EVI5: variants seen among roughly 807,000 people sequenced by gnomAD.
EVI5 encodes the protein ecotropic viral integration site 5, also known as ecotropic viral integration site 5 protein homolog.
In EVI5, 73 loss-of-function variants were observed where a neutral mutation model predicts 112.0. The observed-to-expected ratio is 0.65, with a 90% CI of 0.54 to 0.79. The LOEUF (loss-of-function observed/expected upper bound fraction) is 0.79, where lower values mean the gene tolerates loss of function less well. Ranked by LOEUF, EVI5 falls within the 30% of genes least tolerant of loss-of-function variation. EVI5 has a pLI of 0.00. For missense variants in EVI5, 900 were observed against 968.8 expected (o/e 0.93, Z 0.94); for synonymous variants, 305 against 319.9 (o/e 0.95, Z 0.50).
In EVI5 at chr1:92,651,342, G is replaced by A. The variant is rs190927084; in HGVS notation, c.1392+11377C>T. On this transcript the variant is annotated intron_variant, in intron 13 of 19. Transcript: ENST00000684568. ...TATCTTTCCCATGACTAAATTGGCC[G>A]CTACTTATATTTGGAGAAAAGGAGA... Among the ~76,000 whole-genome samples, 284 of 152,168 alleles carry A rather than the reference G, an allele frequency of 1.9e-3. 3 individuals carry two copies. Among genetic ancestry groups the A allele is most frequent in the Non-Finnish European group, 1.8e-3 (123 of 67,998 alleles).
chr1:92,529,705 A>G (rs1243298509), intron 19 of EVI5, among the ~76,000 whole-genome samples: 1 of 152,180 alleles, frequency 6.6e-6, no homozygotes, highest in Non-Finnish European at 1.5e-5. Context: ...CCAAATCCCT[A>G]ATCCAATAAC....
intron 10 of EVI5, among the ~76,000 whole-genome samples, chr1:92,675,601 C>T (rs1310613412): frequency 6.6e-6 from 1 of 152,092 alleles, no homozygotes; most frequent in South Asian, 2.1e-4. Flanking sequence ...TCTCTCCCCA[C>T]TCATCAGGAT....
intron 2 of EVI5, among the ~76,000 whole-genome samples, chr1:92,713,283 T>C (rs1006751725): frequency 1.3e-5 from 2 of 151,898 alleles, no homozygotes; most frequent in African/African-American, 4.8e-5. Context: ...ATATGGTTAC[T>C]GGCTACCATA....
intron 13 of EVI5, among the ~76,000 whole-genome samples, chr1:92,650,793 G>T (rs1661950803): frequency 6.6e-6 from 1 of 151,844 alleles, no homozygotes. Context: ...ATTTTAGGTG[G>T]TTTCCCTATG....
chr1:92,685,015 G>C (rs1161125421), intron 9 of EVI5, among the ~76,000 whole-genome samples: 2 of 151,790 alleles, frequency 1.3e-5, no homozygotes, highest in African/African-American at 4.8e-5. Flanking sequence ...AGGTTAACAA[G>C]GATATCCAGG....
intron 18 of EVI5, among the ~76,000 whole-genome samples, chr1:92,591,605 T>A (rs1571756276): frequency 6.6e-6 from 1 of 151,836 alleles, no homozygotes; most frequent in East Asian, 1.9e-4. Flanking sequence ...CACCCAGATT[T>A]ATAAAGCAAG....
chr1:92,640,135 T>C (rs1396366425), intron 13 of EVI5, among the ~76,000 whole-genome samples: 2 of 152,298 alleles, frequency 1.3e-5, no homozygotes, highest in African/African-American at 2.4e-5. Context: ...AAGACTTAAA[T>C]GTAAAACCCC....
At chr1:92,781,653 A>C (rs1482357051) in intron 1 of EVI5, among the ~76,000 whole-genome samples, 2 of 152,070 alleles carry the variant, frequency 1.3e-5, no homozygotes, top group African/African-American at 2.4e-5. Flanking sequence ...ACTTCATTAA[A>C]ATTAAGAATC....
At chr1:92,538,226 A>C (rs1167694959) in intron 19 of EVI5, among the ~76,000 whole-genome samples, 1 of 152,178 alleles carries the variant, frequency 6.6e-6, no homozygotes, top group Non-Finnish European at 1.5e-5. Flanking sequence ...CATTATTTAG[A>C]AGGTACTCTA....
chr1:92,595,516 G>A (rs993301358), intron 18 of EVI5, among the ~76,000 whole-genome samples: 9 of 152,124 alleles, frequency 5.9e-5, no homozygotes, highest in Non-Finnish European at 1.0e-4. Context: ...GTATACATAT[G>A]CAACAAACCT....
intron 14 of EVI5, 67 bp from the exon 15 acceptor site, chr1:92,626,001 G>A: frequency 1.1e-6 from 1 of 945,446 alleles, no homozygotes; most frequent in Non-Finnish European, 1.7e-6. Flanking sequence ...ACACACAACA[G>A]CTATTGTGTT....
chr1:92,695,789 G>A (rs1274588876), intron 6 of EVI5, among the ~76,000 whole-genome samples: 7 of 152,062 alleles, frequency 4.6e-5, no homozygotes, highest in East Asian at 1.9e-4. Context: ...TTAAAAAGAC[G>A]TTTAAAAAGA....
At chr1:92,729,730 A>AT (rs1466782264) in intron 2 of EVI5, among the ~76,000 whole-genome samples, 3 of 152,148 alleles carry the variant, frequency 2.0e-5, no homozygotes, top group African/African-American at 7.2e-5. Flanking sequence ...AGTTATATGT[A>AT]TTTTTTATTT....
chr1:92,627,042 G>T (rs1365691068), intron 14 of EVI5, among the ~76,000 whole-genome samples: 1 of 152,116 alleles, frequency 6.6e-6, no homozygotes, highest in African/African-American at 2.4e-5. Flanking sequence ...AGTTATTGGG[G>T]TACAGGTGGT....
chr1:92,551,040 C>CATTTTT (rs1666835098), intron 19 of EVI5, among the ~76,000 whole-genome samples: 1 of 80,702 alleles, frequency 1.2e-5, no homozygotes, highest in East Asian at 4.6e-4. Flanking sequence ...TTCTTTCTTT[C>CATTTTT]TTTTTTTTTT....
rs199928829 is a variant in EVI5 at position 92,508,835 on chromosome 1, T to C, written c.*4821A>G. 6.6e-6 allele frequency: 1 copy of C among 152,576 alleles called. No individual in the cohort carries two copies. Among genetic ancestry groups the C allele is most frequent in the Non-Finnish European group, 1.5e-5 (1 of 68,044 alleles). 9.5% of individuals were successfully genotyped at this position (152,576 alleles called of 1,614,324 possible). A position where few individuals can be genotyped will look rare whatever the true frequency, so the allele number is the denominator to read the frequency against. On this transcript the variant is annotated 3_prime_UTR_variant, in exon 20 of 20. Coordinates refer to ENST00000684568, the MANE Select transcript of EVI5 (RefSeq NM_001350197.2). ...CTTTGCTTCTTGGTAGTATACTGAA[T>C]GTATTATTCTATCATCTCCTCTTTG... is the stretch of plus-strand genomic sequence containing the variant.
At chr1:92,717,530 A>G (rs1673940557) in intron 2 of EVI5, among the ~76,000 whole-genome samples, 1 of 152,226 alleles carries the variant, frequency 6.6e-6, no homozygotes, top group Non-Finnish European at 1.5e-5. Flanking sequence ...GCCTTACAAG[A>G]GCTCCTGAAG....
chr1:92,747,140 AGATTT>A (rs1434013540), intron 1 of EVI5, among the ~76,000 whole-genome samples: 1 of 151,646 alleles, frequency 6.6e-6, no homozygotes, highest in African/African-American at 2.4e-5. Flanking sequence ...AAAATAATAC[AGATTT>A]TTTTTAAAAC....
intron 18 of EVI5, among the ~76,000 whole-genome samples, chr1:92,603,694 T>C (rs1434747588): frequency 6.6e-6 from 1 of 151,578 alleles, no homozygotes; most frequent in South Asian, 2.1e-4. Context: ...TATATCTTTA[T>C]TCTATAAGCT....
Sources: gnomAD v4.1 joint callset for allele counts (sites outside exome capture counted in the v4.1 genomes callset) on GRCh38, gnomAD v4.1.1 for gene constraint, MANE v1.5 for transcripts, NCBI Gene and HGNC (gene_info 2026-07-23, HGNC 2026-07-21) for gene names.